MSRA: variants seen among roughly 807,000 people sequenced by gnomAD.
The protein encoded by MSRA is methionine sulfoxide reductase A, also known as mitochondrial peptide methionine sulfoxide reductase.
In MSRA, 54 loss-of-function variants were observed where a neutral mutation model predicts 31.3. That is an observed-to-expected ratio of 1.73 (90% CI 1.39 to 2.17). MSRA has a LOEUF of 2.17. MSRA is among the 30% of genes most tolerant of loss of function. MSRA has a pLI of 0.00. For synonymous variants in MSRA, 169 were observed against 116.5 expected (o/e 1.45, Z -2.90); for missense variants, 507 against 300.9 (o/e 1.69, Z -5.07).
intron 1 of MSRA, among the ~76,000 whole-genome samples, chr8:10,067,476 A>G (rs533631448): frequency 1.3e-4 from 20 of 152,328 alleles, no homozygotes; most frequent in Admixed American, 9.8e-4. Flanking sequence ...GCAGTTATGA[A>G]TAAAGCCTCT....
chr8:10,226,397 G>A (rs1811002496), intron 2 of MSRA, among the ~76,000 whole-genome samples: 2 of 152,088 alleles, frequency 1.3e-5, no homozygotes, highest in Non-Finnish European at 2.9e-5. Context: ...ATTGCTTTGG[G>A]GACCTTTCAT....
chr8:10,394,852 A>T (rs571244269), intron 5 of MSRA, among the ~76,000 whole-genome samples: 4 of 152,234 alleles, frequency 2.6e-5, no homozygotes, highest in Non-Finnish European at 5.9e-5. Flanking sequence ...TTGGATTCAG[A>T]TTTCTTTCAA....
At chr8:10,413,673 AAAG>A (rs1441185028) in intron 5 of MSRA, among the ~76,000 whole-genome samples, 13 of 151,716 alleles carry the variant, frequency 8.6e-5, no homozygotes, top group Admixed American at 8.5e-4. Context: ...AAAAAAAAAA[AAAG>A]AACTAAGTAG....
At chr8:10,229,169 A>C (rs889686596) in intron 2 of MSRA, among the ~76,000 whole-genome samples, 19 of 152,180 alleles carry the variant, frequency 1.2e-4, no homozygotes, top group African/African-American at 4.6e-4. Context: ...ACACACACTC[A>C]CCTGCCCTTG....
chr8:10,317,034 C>A (rs1801765626), intron 4 of MSRA, among the ~76,000 whole-genome samples: 1 of 152,214 alleles, frequency 6.6e-6, no homozygotes. Flanking sequence ...TCCGTTTTCT[C>A]TTAGCAGCAG....
At chr8:10,164,277 T>C (rs1034899983) in intron 1 of MSRA, among the ~76,000 whole-genome samples, 3 of 152,192 alleles carry the variant, frequency 2.0e-5, no homozygotes, top group Non-Finnish European at 4.4e-5. Context: ...TTGATTAAAA[T>C]GTTCCTGTTA....
chr8:10,205,806 C>G (rs917599785), intron 1 of MSRA, among the ~76,000 whole-genome samples: 14 of 152,150 alleles, frequency 9.2e-5, no homozygotes, highest in Admixed American at 6.5e-4. Flanking sequence ...TCATTATAGT[C>G]TATGTAGAAG....
At chr8:10,341,179 G>C (rs1172398236) in intron 5 of MSRA, among the ~76,000 whole-genome samples, 2 of 152,200 alleles carry the variant, frequency 1.3e-5, no homozygotes, top group Non-Finnish European at 2.9e-5. Flanking sequence ...ACCTGAGACT[G>C]AGTAATTTAT....
At chr8:10,337,181 C>CT (rs575497814) in intron 5 of MSRA, 345 of 145,676 alleles carry the variant, frequency 2.4e-3, no homozygotes, top group South Asian at 0.02. Flanking sequence ...GCCTATGTTA[C>CT]TTTTTTTTTT....
At chr8:10,362,890 G>T (rs1804935568) in intron 5 of MSRA, among the ~76,000 whole-genome samples, 1 of 151,586 alleles carries the variant, frequency 6.6e-6, no homozygotes, top group African/African-American at 2.4e-5. Flanking sequence ...TCTTGTTCCT[G>T]CCCCTGCCTC....
chr8:10,221,862 C>T (rs555196953), intron 2 of MSRA, among the ~76,000 whole-genome samples: 43 of 152,120 alleles, frequency 2.8e-4, no homozygotes, highest in African/African-American at 9.6e-4. Context: ...GTGTCCCAGG[C>T]AGAAGGAATG....
intron 1 of MSRA, among the ~76,000 whole-genome samples, chr8:10,082,681 G>A (rs547963553): frequency 6.6e-6 from 1 of 152,184 alleles, no homozygotes; most frequent in Non-Finnish European, 1.5e-5. Context: ...ACAGGCAAGA[G>A]GAAGTGGTGA....
Position 10,428,469 on chromosome 8 carries a change from C to T in MSRA, c.*157C>T, listed in dbSNP as rs12675295. 129 of 746,016 alleles carry T rather than the reference C, an allele frequency of 1.7e-4. 1 individual carries two copies. The East Asian group carries it at 2.8e-3, about 16-fold the overall frequency. 46.2% of individuals were successfully genotyped at this position (746,016 alleles called of 1,614,324 possible). A position where few individuals can be genotyped will look rare whatever the true frequency, so the allele number is the denominator to read the frequency against. On this transcript the variant is annotated 3_prime_UTR_variant, in exon 6 of 6. Coordinates refer to ENST00000317173, the MANE Select transcript of MSRA (RefSeq NM_012331.5). ...ACCGAAGTATAATCTATAGGAGGCG[C>T]GATGGCAAGTTGATAAAATGTGACT...
chr8:10,424,008 G>C (rs1585750775), intron 5 of MSRA, among the ~76,000 whole-genome samples: 1 of 152,216 alleles, frequency 6.6e-6, no homozygotes, highest in African/African-American at 2.4e-5. Flanking sequence ...GTGGCTTGGA[G>C]AACAGAAGGG....
At chr8:10,069,035 G>C (rs1399423344) in intron 1 of MSRA, among the ~76,000 whole-genome samples, 2 of 152,130 alleles carry the variant, frequency 1.3e-5, no homozygotes, top group African/African-American at 4.8e-5. Flanking sequence ...TTTTGATGTT[G>C]ATGTAAATGG....
intron 5 of MSRA, among the ~76,000 whole-genome samples, chr8:10,364,679 T>C (rs1221921255): frequency 6.6e-6 from 1 of 152,242 alleles, no homozygotes; most frequent in African/African-American, 2.4e-5. Flanking sequence ...GTATCTTCAT[T>C]GACTTTGAAC....
At chr8:10,139,931 C>T (rs1585013520) in intron 1 of MSRA, among the ~76,000 whole-genome samples, 1 of 152,148 alleles carries the variant, frequency 6.6e-6, no homozygotes, top group Non-Finnish European at 1.5e-5. Context: ...GAGAAGATTT[C>T]TGTTCTTACC....
chr8:10,200,214 T>G (rs1470733223), intron 1 of MSRA, among the ~76,000 whole-genome samples: 1 of 152,146 alleles, frequency 6.6e-6, no homozygotes, highest in Non-Finnish European at 1.5e-5. Flanking sequence ...CGGGGTTGAC[T>G]GCGGGGAGGC....
At chr8:10,343,044 CACACACACAG>C (rs879644589) in intron 5 of MSRA, among the ~76,000 whole-genome samples, 14,620 of 115,504 alleles carry the variant, frequency 0.13, 773 homozygotes, top group Admixed American at 0.17. Flanking sequence ...CACACACACA[CACACACACAG>C]ACACACACAC....
Sources: gnomAD v4.1 joint callset for allele counts (sites outside exome capture counted in the v4.1 genomes callset) on GRCh38, gnomAD v4.1.1 for gene constraint, MANE v1.5 for transcripts, NCBI Gene and HGNC (gene_info 2026-07-23, HGNC 2026-07-21) for gene names.